The following IFT25 variants were observed in gnomAD, a reference collection of about 807,000 sequenced individuals.
IFT25 encodes the protein intraflagellar transport 25.
chr1:53,928,284 C>T, the IFT25 span: 9 of 1,064,840 alleles, frequency 8.5e-6, no homozygotes, highest in Non-Finnish European at 1.3e-5. Context: ...CATCTTTTTT[C>T]ACCAAAGTGC....
the IFT25 span, among the ~76,000 whole-genome samples, chr1:53,914,860 TA>T: frequency 1.9e-3 from 289 of 151,968 alleles, no homozygotes; most frequent in African/African-American, 3.8e-3. Flanking sequence ...CAATATGCTA[TA>T]AAAAAAAATC....
chr1:53,921,684 TGCAGAAAC>T, the IFT25 span: 1 of 1,611,798 alleles, frequency 6.2e-7, no homozygotes, highest in African/African-American at 1.3e-5. Flanking sequence ...CTGTTCCTTC[TGCAGAAAC>T]GCTATGCACA....
chr1:53,932,642 G>A, the IFT25 span, among the ~76,000 whole-genome samples: 1 of 152,236 alleles, frequency 6.6e-6, no homozygotes, highest in East Asian at 1.9e-4. Flanking sequence ...TTGGCTCACT[G>A]CAGCATTGAC....
chr1:53,938,492 C>T, the IFT25 span, among the ~76,000 whole-genome samples: 17 of 152,174 alleles, frequency 1.1e-4, no homozygotes, highest in East Asian at 1.9e-4. Flanking sequence ...ATGACAACTA[C>T]GCTTCAAGGA....
chr1:53,934,698 A>G, the IFT25 span, among the ~76,000 whole-genome samples: 5 of 152,200 alleles, frequency 3.3e-5, no homozygotes, highest in Non-Finnish European at 7.3e-5. Flanking sequence ...CCCTGAGAAC[A>G]TGTAAGTGAA....
the IFT25 span, among the ~76,000 whole-genome samples, chr1:53,938,515 G>C: frequency 2.0e-5 from 3 of 152,218 alleles, no homozygotes; most frequent in Non-Finnish European, 2.9e-5. Flanking sequence ...AGGCTGAGTT[G>C]CTAGAATTTC....
the IFT25 span, among the ~76,000 whole-genome samples, chr1:53,912,020 T>TAC: frequency 6.6e-6 from 1 of 152,038 alleles, no homozygotes; most frequent in African/African-American, 2.4e-5. Flanking sequence ...TTCCCCATCC[T>TAC]ACCAAAGCCA....
the IFT25 span, chr1:53,923,883 C>T: frequency 6.9e-7 from 1 of 1,446,380 alleles, no homozygotes; most frequent in East Asian, 2.3e-5. Context: ...ATTTTTAATT[C>T]TATAAAGTAT....
chr1:53,940,438 A>G, the IFT25 span, among the ~76,000 whole-genome samples: 4 of 152,252 alleles, frequency 2.6e-5, no homozygotes, highest in African/African-American at 9.6e-5. Flanking sequence ...AAGGCAGAAA[A>G]AGAGAAACAA....
the IFT25 span, among the ~76,000 whole-genome samples, chr1:53,918,963 T>C: frequency 6.6e-6 from 1 of 152,146 alleles, no homozygotes; most frequent in African/African-American, 2.4e-5. Flanking sequence ...CTCAGCCTCC[T>C]GAGTAGCTGG....
the IFT25 span, chr1:53,929,867 C>A: frequency 9.1e-7 from 1 of 1,100,102 alleles, no homozygotes; most frequent in Middle Eastern, 3.2e-4. Context: ...CATCCTTTCA[C>A]CCCAGCAATA....
chr1:53,921,561 T>C, the IFT25 span: 2 of 790,034 alleles, frequency 2.5e-6, no homozygotes, highest in African/African-American at 3.5e-5. Context: ...CTGAAACAAA[T>C]TGATAAAAAT....
At chr1:53,913,113 T>G in the IFT25 span, among the ~76,000 whole-genome samples, 3 of 152,170 alleles carry the variant, frequency 2.0e-5, no homozygotes, top group Non-Finnish European at 4.4e-5. Context: ...TACCCAGAAA[T>G]ACCTGTGAAA....
chr1:53,925,654 G>C, the IFT25 span, among the ~76,000 whole-genome samples: 2 of 141,160 alleles, frequency 1.4e-5, no homozygotes, highest in Non-Finnish European at 3.0e-5. Context: ...AATAGAGTGA[G>C]ACTCAGTCTC....
the IFT25 span, among the ~76,000 whole-genome samples, chr1:53,932,333 C>CA: frequency 0.22 from 28,134 of 130,830 alleles, 3,836 homozygotes; most frequent in African/African-American, 0.42. Flanking sequence ...AACTCCATCT[C>CA]AAAAAAAAAA....
the IFT25 span, among the ~76,000 whole-genome samples, chr1:53,937,411 C>T: frequency 6.6e-6 from 1 of 152,170 alleles, no homozygotes; most frequent in Non-Finnish European, 1.5e-5. Flanking sequence ...AGCCACCGCG[C>T]CTGGCCAGAA....
At chr1:53,920,409 T>TTC in the IFT25 span, among the ~76,000 whole-genome samples, 717 of 150,578 alleles carry the variant, frequency 4.8e-3, 5 homozygotes, top group African/African-American at 0.017. Flanking sequence ...TTTTTTTTTT[T>TTC]CTAATAAGAG....
At chr1:53,929,783 T>C in the IFT25 span, 6 of 371,550 alleles carry the variant, frequency 1.6e-5, no homozygotes, top group Non-Finnish European at 1.8e-5. Context: ...GAAATTATTA[T>C]GTGCTTTGGA....
the IFT25 span, among the ~76,000 whole-genome samples, chr1:53,936,584 T>C: frequency 6.6e-6 from 1 of 152,230 alleles, no homozygotes; most frequent in African/African-American, 2.4e-5. Context: ...GATTTTTTTC[T>C]CAATTCTGAG....
Sources: allele counts gnomAD v4.1 joint callset (sites outside exome capture counted in the v4.1 genomes callset), GRCh38; gene constraint gnomAD v4.1.1; transcripts MANE v1.5; gene names NCBI Gene and HGNC (gene_info 2026-07-23, HGNC 2026-07-21).